Variants in UST observed in about 807,000 individuals in gnomAD.
UST encodes chondroitin sulfate 2-O-sulfotransferase.
Under a neutral mutation model 45.6 loss-of-function variants are expected in UST, and 21 were observed. The ratio of observed to expected loss-of-function variants is 0.46; its 90% CI spans 0.33 to 0.66. UST has a LOEUF of 0.66. UST is among the 30% of genes least tolerant of loss of function. The pLI is 0.02. For synonymous variants in UST, 215 were observed against 200.6 expected (o/e 1.07, Z -0.61); for missense variants, 463 against 512.4 (o/e 0.90, Z 0.93).
intron 7 of UST, among the ~76,000 whole-genome samples, chr6:149,072,851 G>A (rs761156656): frequency 6.6e-6 from 1 of 152,182 alleles, no homozygotes; most frequent in Non-Finnish European, 1.5e-5. Flanking sequence ...GGTAAGTAGG[G>A]TGGGGTAAGG....
intron 2 of UST, among the ~76,000 whole-genome samples, chr6:148,914,575 A>G (rs1333484335): frequency 6.6e-6 from 1 of 152,212 alleles, no homozygotes; most frequent in African/African-American, 2.4e-5. Context: ...GTGTCCTCCC[A>G]AAATTCGTAT....
intron 1 of UST, among the ~76,000 whole-genome samples, chr6:148,779,252 A>G (rs1308885534): frequency 6.6e-6 from 1 of 152,002 alleles, no homozygotes; most frequent in African/African-American, 2.4e-5. Flanking sequence ...GACCCTTGTC[A>G]TTCTATGGAG....
chr6:148,872,714 C>T (rs1163760608), intron 1 of UST, among the ~76,000 whole-genome samples: 1 of 152,170 alleles, frequency 6.6e-6, no homozygotes, highest in African/African-American at 2.4e-5. Flanking sequence ...CTTCTGGAGG[C>T]TCTAGGCAAG....
At chr6:148,896,562 GA>G (rs766079218) in intron 2 of UST, among the ~76,000 whole-genome samples, 8 of 152,306 alleles carry the variant, frequency 5.3e-5, no homozygotes, top group Middle Eastern at 3.4e-3. Flanking sequence ...GCGTTCTCAA[GA>G]AGTTTATAAT....
intron 2 of UST, among the ~76,000 whole-genome samples, chr6:148,900,282 C>T (rs929644187): frequency 6.6e-5 from 10 of 152,082 alleles, no homozygotes; most frequent in Admixed American, 6.5e-4. Flanking sequence ...GTCTTGGGAT[C>T]TCCTTTCACT....
In UST at chr6:149,009,849, C is replaced by G. The variant is rs1185984230; in HGVS notation, c.682-9290C>G. On this transcript the variant is annotated intron_variant, in intron 5 of 7. Coordinates refer to ENST00000367463, the MANE Select transcript of UST (RefSeq NM_005715.3). ...TTTTTTTTTTGACATGTACATATTA[C>G]TTTGACAAACATTTTTGAATTTTTT... is the stretch of plus-strand genomic sequence containing the variant. Among the ~76,000 whole-genome samples, 9 of 150,204 alleles carry G rather than the reference C, an allele frequency of 6.0e-5. No homozygotes were observed. The East Asian group carries it at 1.7e-3, about 29-fold the overall frequency.
rs139923250 is a variant in UST, at chr6:148,919,329, T to C, written c.292-21950T>C. Among the ~76,000 whole-genome samples the C allele has an allele frequency of 3.5e-3, 532 of 152,262 alleles. 2 individuals carry two copies. Among genetic ancestry groups the C allele is most frequent in the Non-Finnish European group, 6.4e-3 (436 of 68,008 alleles). Reference sequence around the variant, plus strand: ...TGTAATAGTTCCTGCTCCCACTACCTGCTCCAGCCCAGCCAAAGGAAATGT... The same window carrying C: ...TGTAATAGTTCCTGCTCCCACTACCCGCTCCAGCCCAGCCAAAGGAAATGT... On this transcript the variant is annotated intron_variant, in intron 2 of 7. Transcript: ENST00000367463.
chr6:148,799,412 G>A (rs7744321), intron 1 of UST, among the ~76,000 whole-genome samples: 2,745 of 152,260 alleles, frequency 0.018, 74 homozygotes, highest in African/African-American at 0.062. Context: ...ATTGTAGCAA[G>A]GTTTTTGGCC....
chr6:148,928,919 AG>A (rs1177961415), intron 2 of UST, among the ~76,000 whole-genome samples: 18 of 152,214 alleles, frequency 1.2e-4, no homozygotes, highest in Non-Finnish European at 2.6e-4. Context: ...CATTTTATGT[AG>A]AAAGGAATGT....
intron 7 of UST, among the ~76,000 whole-genome samples, chr6:149,066,588 G>A (rs1776732796): frequency 6.6e-6 from 1 of 152,112 alleles, no homozygotes; most frequent in Admixed American, 6.5e-5. Flanking sequence ...AGCTGATACT[G>A]ACCCTCATGT....
intron 1 of UST, among the ~76,000 whole-genome samples, chr6:148,762,172 A>T (rs1301729521): frequency 6.6e-6 from 1 of 152,194 alleles, no homozygotes; most frequent in Non-Finnish European, 1.5e-5. Context: ...CCAGAAACTA[A>T]AGGGAGGGAA....
At chr6:149,038,820 A>G (rs559550492) in intron 7 of UST, among the ~76,000 whole-genome samples, 1 of 151,774 alleles carries the variant, frequency 6.6e-6, no homozygotes, top group Non-Finnish European at 1.5e-5. Flanking sequence ...ATTGGGGGGA[A>G]AAAGATGTCT....
chr6:149,047,997 G>A (rs1776417962), intron 7 of UST, among the ~76,000 whole-genome samples: 1 of 152,126 alleles, frequency 6.6e-6, no homozygotes, highest in Non-Finnish European at 1.5e-5. Context: ...AAAAGGTAAT[G>A]TGCTCTCTGG....
intron 1 of UST, among the ~76,000 whole-genome samples, chr6:148,755,349 G>A (rs2114647738): frequency 6.6e-6 from 1 of 152,246 alleles, no homozygotes; most frequent in Middle Eastern, 3.4e-3. Flanking sequence ...AAGAAATATT[G>A]TTTTTACAAA....
At chr6:148,788,089 G>T (rs1431224932) in intron 1 of UST, among the ~76,000 whole-genome samples, 1 of 152,186 alleles carries the variant, frequency 6.6e-6, no homozygotes, top group Non-Finnish European at 1.5e-5. Flanking sequence ...CATAGGGGAA[G>T]GTGAAAGGCT....
At chr6:148,799,656 TC>T (rs1053248593) in intron 1 of UST, among the ~76,000 whole-genome samples, 2 of 152,180 alleles carry the variant, frequency 1.3e-5, no homozygotes, top group African/African-American at 4.8e-5. Context: ...GTTCCCTCCC[TC>T]CTTCCCTTTT....
chr6:148,891,454 C>T (rs1300079794), intron 2 of UST, among the ~76,000 whole-genome samples: 1 of 152,186 alleles, frequency 6.6e-6, no homozygotes, highest in Admixed American at 6.5e-5. Context: ...CTATGCTAAG[C>T]ACTTTGCATG....
At chr6:148,860,959 G>T (rs1197630359) in intron 1 of UST, among the ~76,000 whole-genome samples, 3 of 152,012 alleles carry the variant, frequency 2.0e-5, no homozygotes, top group African/African-American at 4.8e-5. Context: ...AAAATTCTCT[G>T]TTTTTGTTGT....
At chr6:148,949,559 CTGTT>C (rs1338219626) in intron 3 of UST, among the ~76,000 whole-genome samples, 1 of 151,966 alleles carries the variant, frequency 6.6e-6, no homozygotes, top group Non-Finnish European at 1.5e-5. Flanking sequence ...AATGGTAAGA[CTGTT>C]TGCCCCATGT....
Sources: allele counts gnomAD v4.1 joint callset (sites outside exome capture counted in the v4.1 genomes callset), GRCh38; gene constraint gnomAD v4.1.1; transcripts MANE v1.5; gene names NCBI Gene and HGNC (gene_info 2026-07-23, HGNC 2026-07-21).